Variants in XIRP2 observed in about 807,000 individuals in gnomAD.
XIRP2 encodes the protein xin actin binding repeat containing 2.
A neutral mutation model predicts 277.0 loss-of-function variants in XIRP2; 236 were observed. That is an observed-to-expected ratio of 0.85 (90% confidence interval 0.77 to 0.95). The LOEUF is 0.95. Ranked by LOEUF, XIRP2 falls within the 40% of genes least tolerant of loss-of-function variation. The pLI, the probability that XIRP2 is intolerant of heterozygous loss-of-function variation, is 0.00. For missense variants in XIRP2, 4,640 were observed against 4,157.5 expected, an observed-to-expected ratio of 1.12 and a Z score of -3.19; for synonymous variants, 1,490 against 1,416.5, an observed-to-expected ratio of 1.05 and a Z score of -1.17.
At chr2:167,120,235 G>T (rs561424445) in intron 2 of XIRP2, among the ~76,000 whole-genome samples, 2 of 152,240 alleles carry the variant, frequency 1.3e-5, no homozygotes, top group South Asian at 2.1e-4. Context: ...TCTCTTGGGG[G>T]CTGTATCTGG....
At chr2:167,164,445 C>CA (rs36066566) in intron 3 of XIRP2, among the ~76,000 whole-genome samples, 7,809 of 45,918 alleles carry the variant, frequency 0.17, 1,019 homozygotes, top group African/African-American at 0.21. Context: ...GACTCCGTCT[C>CA]AAAAAAAAAA....
At chr2:166,985,034 A>G (rs1277435665) in intron 2 of XIRP2, among the ~76,000 whole-genome samples, 3 of 152,212 alleles carry the variant, frequency 2.0e-5, no homozygotes, top group African/African-American at 7.2e-5. Flanking sequence ...CTTATGTGTC[A>G]TGTAGTCTTT....
intron 2 of XIRP2, among the ~76,000 whole-genome samples, chr2:167,083,192 A>G (rs1689798293): frequency 6.6e-6 from 1 of 152,094 alleles, no homozygotes; most frequent in Non-Finnish European, 1.5e-5. Context: ...ACCATTTATT[A>G]AATAGGGAAT....
rs1302444701 is a variant in XIRP2, at chr2:167,243,200, T to C, written c.1808T>C (p.Ile603Thr). ...GATGAAGGTGATATTTCCAGGGGCA[T>C]TGCTGATCAAGAAATCATTGCTGGT... is the stretch of plus-strand genomic sequence containing the variant. ...SPDEGDISRG[I>T]ADQEIIAGGD... Residue 603 changes from isoleucine (I) to threonine (T), a missense_variant, in exon 9 of 11, where the codon ATT becomes ACT. Physicochemically the swap from Ile to Thr is moderately conservative, Grantham distance 89. Transcript: ENST00000409195. 6.2e-7 allele frequency: 1 copy of C among 1,614,142 alleles called. No homozygotes were observed.
rs188952587 is a variant in XIRP2, at chr2:167,214,097, G to A, written c.723+3202G>A. ...AAGGAAGGAAGGAAGAAAGAAAGAA[G>A]GAAGGAAGGAAGGAAGGAAGGAAGG... On this transcript the variant is annotated intron_variant, in intron 4 of 10. Transcript: ENST00000409195. Among the ~76,000 whole-genome samples the A allele has an allele frequency of 5.6e-3, 495 of 88,102 alleles. 7 individuals carry two copies. The highest frequency in any genetic ancestry group is 0.031 in the African/African-American group (463 of 14,892). 57.8% of individuals were successfully genotyped at this position (88,102 alleles called of 152,430 possible). A position where few individuals can be genotyped will look rare whatever the true frequency, so the allele number is the denominator to read the frequency against.
intron 2 of XIRP2, among the ~76,000 whole-genome samples, chr2:167,024,350 T>G (rs1166967331): frequency 6.6e-6 from 1 of 152,166 alleles, no homozygotes; most frequent in Non-Finnish European, 1.5e-5. Context: ...AAGGAGATTT[T>G]GGGCTGAGAT....
chr2:167,075,552 GGATTTT>G, intron 2 of XIRP2, among the ~76,000 whole-genome samples: 1 of 152,200 alleles, frequency 6.6e-6, no homozygotes, highest in East Asian at 1.9e-4. Context: ...TTGTCTCTTT[GGATTTT>G]ATTTCTTCTG....
In XIRP2 at chr2:167,025,990, G is replaced by A. The variant is rs866776913; in HGVS notation, c.409-109919G>A. Among the ~76,000 whole-genome samples the A allele has an allele frequency of 7.6e-4, 115 of 152,180 alleles. 1 individual carries two copies. The highest frequency in any genetic ancestry group is 2.7e-3 in the African/African-American group (113 of 41,546). Reference sequence around the variant, plus strand: ...TTAGGTCTGCTTGGTGCAAAACTGAGTTCAATTCCTGGGTATCCTTGTTAA... The same window carrying A: ...TTAGGTCTGCTTGGTGCAAAACTGAATTCAATTCCTGGGTATCCTTGTTAA... On this transcript the variant is annotated intron_variant, in intron 2 of 10. Transcript: ENST00000409195.
rs370837888 is a variant in XIRP2 at position 167,249,787 on chromosome 2, A to T, written c.8395A>T (p.Met2799Leu). 1 of 1,613,462 alleles carries T rather than the reference A, an allele frequency of 6.2e-7. No individual in the cohort carries two copies. The change falls in exon 9 of 11, where the codon ATG becomes TTG. Residue 2799 changes from methionine to leucine, a missense_variant. By Grantham distance (15) the Met-to-Leu change is conservative. Transcript: ENST00000409195. ...IQKNQEDKLK[M>L]VPRKQREFSG... ...GAAGAACCAGGAAGATAAGCTCAAG[A>T]TGGTTCCCAGGAAGCAAAGAGAATT...
At chr2:167,242,497 T>G (rs1573989239) in intron 8 of XIRP2, 72 bp from the exon 9 acceptor site, 2 of 1,492,372 alleles carry the variant, frequency 1.3e-6, no homozygotes, top group East Asian at 2.3e-5. Flanking sequence ...TACAGACCAA[T>G]GAAGGGCAGT....
intron 2 of XIRP2, among the ~76,000 whole-genome samples, chr2:167,009,277 T>C (rs1452134516): frequency 1.4e-5 from 2 of 139,378 alleles, no homozygotes; most frequent in Non-Finnish European, 3.0e-5. Flanking sequence ...TGTGTTCTCA[T>C]TGTTCAATTC....
At chr2:167,127,099 T>A (rs761853848) in intron 2 of XIRP2, among the ~76,000 whole-genome samples, 1 of 152,166 alleles carries the variant, frequency 6.6e-6, no homozygotes, top group Non-Finnish European at 1.5e-5. Context: ...TTGCCCAAAT[T>A]TGGGCATATT....
rs766813734 is a variant in XIRP2, at chr2:167,258,470, C to A, written c.*653C>A. 3.1e-6 allele frequency: 5 copies of A among 1,612,988 alleles called. No individual in the cohort carries two copies. Among genetic ancestry groups the A allele is most frequent in the Non-Finnish European group, 4.2e-6 (5 of 1,179,584 alleles). On this transcript the variant is annotated 3_prime_UTR_variant, in exon 11 of 11. Transcript: ENST00000409195. ...AGGAAGGAAGAATGTGCAAGATAGG[C>A]CGAGTGAAGCTGAAGACACAAAGAG...
At chr2:167,194,834 A>G (rs973518313) in intron 3 of XIRP2, among the ~76,000 whole-genome samples, 1 of 152,196 alleles carries the variant, frequency 6.6e-6, no homozygotes, top group Admixed American at 6.5e-5. Flanking sequence ...GATTAAATGA[A>G]TTTATCTTTA....
At chr2:166,958,927 C>T (rs997774614) in intron 2 of XIRP2, among the ~76,000 whole-genome samples, 2 of 151,710 alleles carry the variant, frequency 1.3e-5, no homozygotes, top group African/African-American at 4.8e-5. Flanking sequence ...CTATTCCAAC[C>T]TCTTCTTTGT....
At chr2:167,073,976 T>G (rs779637101) in intron 2 of XIRP2, among the ~76,000 whole-genome samples, 1 of 152,182 alleles carries the variant, frequency 6.6e-6, no homozygotes, top group Admixed American at 6.5e-5. Context: ...GCCATTTAGT[T>G]AACAACATCA....
At chr2:166,913,698 G>A (rs775104057) in intron 2 of XIRP2, among the ~76,000 whole-genome samples, 14 of 152,142 alleles carry the variant, frequency 9.2e-5, no homozygotes, top group Non-Finnish European at 2.9e-5. Context: ...CTTGACAGAA[G>A]GAAATGCAAA....
chr2:166,924,626 T>C (rs1393311357), intron 2 of XIRP2, among the ~76,000 whole-genome samples: 1 of 152,020 alleles, frequency 6.6e-6, no homozygotes, highest in Non-Finnish European at 1.5e-5. Flanking sequence ...AAGACTAGAA[T>C]TGAATGAGAA....
chr2:166,951,863 A>G (rs935283734), intron 2 of XIRP2, among the ~76,000 whole-genome samples: 1 of 151,970 alleles, frequency 6.6e-6, no homozygotes, highest in African/African-American at 2.4e-5. Flanking sequence ...CAGACTTGAG[A>G]TCCTATCCTA....
Sources: gnomAD v4.1 joint callset for allele counts (sites outside exome capture counted in the v4.1 genomes callset) on GRCh38, gnomAD v4.1.1 for gene constraint, MANE v1.5 for transcripts, NCBI Gene and HGNC (gene_info 2026-07-23, HGNC 2026-07-21) for gene names.